The following ADORA1 variants were observed in gnomAD, a reference collection of about 807,000 sequenced individuals.
The protein encoded by ADORA1 is adenosine A1 receptor.
Under a neutral mutation model 19.9 loss-of-function variants are expected in ADORA1, and 6 were observed. The ratio of observed to expected loss-of-function variants is 0.30; its 90% CI spans 0.17 to 0.59. The LOEUF is 0.59. Ranked by LOEUF, ADORA1 falls within the 20% of genes least tolerant of loss-of-function variation. The probability of loss-of-function intolerance (pLI) is 0.87; values close to 1 mark genes in which losing one functional copy is unlikely to be tolerated. For synonymous variants in ADORA1, 194 were observed against 188.4 expected (o/e 1.03, Z -0.24); for missense variants, 302 against 439.2 (o/e 0.69, Z 2.79).
At chr1:203,141,124 T>C (rs3753476) in intron 3 of ADORA1, among the ~76,000 whole-genome samples, 144,359 of 152,342 alleles carry the variant, frequency 0.95, 68,543 homozygotes, top group Non-Finnish European at 0.98. Flanking sequence ...AGTGTCAGAT[T>C]TAGCCCAGCC....
rs1254428387 is a variant in ADORA1 at position 203,165,889 on chromosome 1, C to A, written c.970C>A (p.Pro324Thr). Reference sequence around the variant, plus strand: ...TGACGAGGATCTCCCAGAAGAGAGGCCTGATGACTAGACCCCGCCTTCCGC... The same window carrying A: ...TGACGAGGATCTCCCAGAAGAGAGGACTGATGACTAGACCCCGCCTTCCGC... Reference protein sequence around the residue: ...PIDEDLPEERPDD With the variant: ...PIDEDLPEERTDD The change falls in exon 4 of 4, where the codon CCT (proline) becomes ACT (threonine). Residue 324 changes from proline to threonine, a missense_variant. Pro to Thr is a conservative substitution (Grantham distance 38). Coordinates refer to ENST00000337894, the MANE Select transcript of ADORA1 (RefSeq NM_000674.3). This position sits in a 1 kb window ranked among gnomAD's most constrained non-coding sequence, Gnocchi z 5.9. 7 of 1,558,738 alleles carry A rather than the reference C, an allele frequency of 4.5e-6. No homozygotes were observed. Among genetic ancestry groups the A allele is most frequent in the Non-Finnish European group, 6.1e-6 (7 of 1,151,010 alleles).
At chr1:203,133,702 G>A (rs1459972711) in intron 3 of ADORA1, among the ~76,000 whole-genome samples, 1 of 152,228 alleles carries the variant, frequency 6.6e-6, no homozygotes, top group African/African-American at 2.4e-5. Context: ...CTTCACTCCA[G>A]TGGGCAGTTG....
At position 203,128,797 on chromosome 1, in the gene ADORA1, T is replaced by C. The variant is rs755519862; in HGVS notation, c.-45T>C. On this transcript the variant is annotated 5_prime_UTR_variant, in exon 3 of 4. Transcript: ENST00000337894. The surrounding 1 kb of genome is among the most constrained non-coding windows in gnomAD (Gnocchi z 5.9). ...CCTGACCACACAGGTGCTTGCCTCGTGCCCCTTGGTGCCCGTCTGCTGATG... is the reference window on the plus strand; with the variant it reads ...CCTGACCACACAGGTGCTTGCCTCGCGCCCCTTGGTGCCCGTCTGCTGATG... 2.6e-6 allele frequency: 4 copies of C among 1,549,222 alleles called. No individual in the cohort carries two copies. In the African/African-American group the frequency reaches 5.4e-5, roughly 21 times the overall value.
At chr1:203,146,392 G>GC (rs1225716620) in intron 3 of ADORA1, among the ~76,000 whole-genome samples, 1 of 152,070 alleles carries the variant, frequency 6.6e-6, no homozygotes, top group African/African-American at 2.4e-5. Flanking sequence ...ACTTTCGGAG[G>GC]CCAAGGTGGG....
chr1:203,155,065 T>G (rs1451049787), intron 3 of ADORA1, among the ~76,000 whole-genome samples: 1 of 150,754 alleles, frequency 6.6e-6, no homozygotes, highest in African/African-American at 2.4e-5. Flanking sequence ...ATTGTTATTT[T>G]GAGACGGAGT....
At chr1:203,138,288 G>A (rs1419033305) in intron 3 of ADORA1, among the ~76,000 whole-genome samples, 1 of 152,180 alleles carries the variant, frequency 6.6e-6, no homozygotes, top group Admixed American at 6.5e-5. Flanking sequence ...TGAGCAGGTG[G>A]TTGGATATAC....
At chr1:203,160,068 C>T (rs1027177177) in intron 3 of ADORA1, among the ~76,000 whole-genome samples, 1 of 152,248 alleles carries the variant, frequency 6.6e-6, no homozygotes, top group Non-Finnish European at 1.5e-5. Flanking sequence ...CTCACGTGTT[C>T]TCCATCTCCC....
intron 3 of ADORA1, among the ~76,000 whole-genome samples, chr1:203,153,216 A>G (rs1655092844): frequency 6.6e-6 from 1 of 152,234 alleles, no homozygotes; most frequent in African/African-American, 2.4e-5. Context: ...TTTGCAGCAC[A>G]TGCCGCTCTC....
chr1:203,134,189 G>T (rs755119314), intron 3 of ADORA1, among the ~76,000 whole-genome samples: 1 of 152,142 alleles, frequency 6.6e-6, no homozygotes, highest in Non-Finnish European at 1.5e-5. Context: ...TACTTGGCTG[G>T]GAGTTCTTTC....
intron 3 of ADORA1, among the ~76,000 whole-genome samples, chr1:203,135,920 G>T (rs547609303): frequency 6.6e-6 from 1 of 152,272 alleles, no homozygotes; most frequent in South Asian, 2.1e-4. Context: ...TTCCCCTTCT[G>T]GGCTGGGTTG....
rs201705094 is a variant in ADORA1 at position 203,165,220 on chromosome 1, C to T, written c.342-41C>T. 1.6e-5 allele frequency: 25 copies of T among 1,599,158 alleles called. No individual in the cohort carries two copies. The highest frequency in any genetic ancestry group is 2.0e-5 in the Non-Finnish European group (23 of 1,172,262). On this transcript the variant is annotated intron_variant, in intron 3 of 3. Coordinates refer to ENST00000337894, the MANE Select transcript of ADORA1 (RefSeq NM_000674.3). The surrounding 1 kb of genome is among the most constrained non-coding windows in gnomAD (Gnocchi z 5.9). ...GCCTCAGAGGGGCCTTTCGAGGCAGCTGGGAGGCAGATCCTCACACTCTGC... is the reference window on the plus strand; with the variant it reads ...GCCTCAGAGGGGCCTTTCGAGGCAGTTGGGAGGCAGATCCTCACACTCTGC...
intron 3 of ADORA1, among the ~76,000 whole-genome samples, chr1:203,138,249 C>T (rs1230293978): frequency 1.3e-5 from 2 of 152,058 alleles, no homozygotes; most frequent in African/African-American, 2.4e-5. Flanking sequence ...CTGACTTTGG[C>T]GTGTCTAACA....
At chr1:203,131,902 G>A (rs1196616578) in intron 3 of ADORA1, among the ~76,000 whole-genome samples, 3 of 152,188 alleles carry the variant, frequency 2.0e-5, no homozygotes, top group African/African-American at 4.8e-5. Flanking sequence ...CCAGTCAAAG[G>A]TAGATGTGGC....
Position 203,128,690 on chromosome 1 carries a change from G to C in ADORA1, c.-57-95G>C. 2.2e-6 allele frequency: 3 copies of C among 1,385,714 alleles called. No individual in the cohort carries two copies. Among genetic ancestry groups the C allele is most frequent in the Non-Finnish European group, 2.9e-6 (3 of 1,043,158 alleles). 85.8% of individuals were successfully genotyped at this position (1,385,714 alleles called of 1,614,324 possible). On this transcript the variant is annotated intron_variant, in intron 2 of 3. Coordinates refer to ENST00000337894, the MANE Select transcript of ADORA1 (RefSeq NM_000674.3). The surrounding 1 kb of genome is among the most constrained non-coding windows in gnomAD (Gnocchi z 5.9). ...GGGTAGGAGCTGCATGTGACAAGTG[G>C]GACACATCACAGGGTACCTGGAGTT...
At position 203,165,112 on chromosome 1, in the gene ADORA1, C is replaced by G; in HGVS notation, c.342-149C>G. ...TCTTAGATCCTGAAGACTCAGCCCTCGAGCAAAAGACATGCACCTCCCCAC... is the reference window on the plus strand; with the variant it reads ...TCTTAGATCCTGAAGACTCAGCCCTGGAGCAAAAGACATGCACCTCCCCAC... On this transcript the variant is annotated intron_variant, in intron 3 of 3. Coordinates refer to ENST00000337894, the MANE Select transcript of ADORA1 (RefSeq NM_000674.3). This position sits in a 1 kb window ranked among gnomAD's most constrained non-coding sequence, Gnocchi z 5.9. 6.4e-7 allele frequency: 1 copy of G among 1,552,386 alleles called. No homozygotes were observed. Among genetic ancestry groups the G allele is most frequent in the Non-Finnish European group, 8.7e-7 (1 of 1,147,808 alleles).
In ADORA1 at chr1:203,158,596, C is replaced by A. The variant is rs28855175; in HGVS notation, c.342-6665C>A. Among the ~76,000 whole-genome samples the A allele has an allele frequency of 2.6e-3, 401 of 152,270 alleles. 3 individuals carry two copies. The highest frequency in any genetic ancestry group is 9.3e-3 in the African/African-American group (387 of 41,530). ...AACTCTTCCAGCCTATACCTGTTAC[C>A]CAGTTCTAAAGCTGCTTCCACATTT... On this transcript the variant is annotated intron_variant, in intron 3 of 3. Coordinates refer to ENST00000337894, the MANE Select transcript of ADORA1 (RefSeq NM_000674.3).
At chr1:203,141,732 C>T (rs529762779) in intron 3 of ADORA1, among the ~76,000 whole-genome samples, 21 of 152,082 alleles carry the variant, frequency 1.4e-4, no homozygotes, top group African/African-American at 4.3e-4. Context: ...AGGCTCATGC[C>T]ACCACGCCCA....
intron 3 of ADORA1, among the ~76,000 whole-genome samples, chr1:203,158,680 T>C (rs373415378): frequency 6.6e-6 from 1 of 152,306 alleles, no homozygotes; most frequent in East Asian, 1.9e-4. Context: ...TCTTAGTCCA[T>C]TTTGTGCTGC....
intron 3 of ADORA1, among the ~76,000 whole-genome samples, chr1:203,164,158 C>T (rs984097244): frequency 1.3e-5 from 2 of 152,200 alleles, no homozygotes; most frequent in Admixed American, 6.5e-5. Context: ...CGAGCAGCCT[C>T]GTCATCCAGA....
Sources: gnomAD v4.1 joint callset for allele counts (sites outside exome capture counted in the v4.1 genomes callset) on GRCh38, gnomAD v4.1.1 for gene constraint, Gnocchi (gnomAD v3.1) non-coding constraint, MANE v1.5 for transcripts, NCBI Gene and HGNC (gene_info 2026-07-23, HGNC 2026-07-21) for gene names.